Variants in WDR7 observed in about 807,000 individuals in gnomAD.
WDR7 encodes WD repeat-containing protein 7.
A neutral mutation model predicts 169.4 loss-of-function variants in WDR7; 46 were observed. That is an observed-to-expected ratio of 0.27 (90% confidence interval 0.21 to 0.35). WDR7 has a LOEUF of 0.35. Ranked by LOEUF, WDR7 falls within the 10% of genes least tolerant of loss-of-function variation. The pLI is 1.00. For missense variants in WDR7, 1,534 were observed against 1,859.3 expected, an observed-to-expected ratio of 0.83 and a Z score of 3.22; for synonymous variants, 612 against 666.8, an observed-to-expected ratio of 0.92 and a Z score of 1.27.
intron 25 of WDR7, among the ~76,000 whole-genome samples, chr18:56,949,128 GTCTCTCTCTC>G (rs10537966): frequency 2.1e-5 from 3 of 143,530 alleles, no homozygotes; most frequent in Non-Finnish European, 3.0e-5. Context: ...GTTTTCTAAA[GTCTCTCTCTC>G]TCTCTCTCTC....
At chr18:56,919,224 T>A (rs574941082) in intron 21 of WDR7, among the ~76,000 whole-genome samples, 4 of 152,284 alleles carry the variant, frequency 2.6e-5, no homozygotes, top group Middle Eastern at 6.8e-3. Flanking sequence ...AAATAGGGAA[T>A]TATTATATGG....
intron 1 of WDR7, among the ~76,000 whole-genome samples, chr18:56,662,246 C>T (rs1391896808): frequency 2.0e-5 from 3 of 152,184 alleles, no homozygotes; most frequent in African/African-American, 7.2e-5. Flanking sequence ...CCTGTGAAAA[C>T]ACCCTGTTGC....
At chr18:57,019,879 T>C (rs983428022) in intron 26 of WDR7, among the ~76,000 whole-genome samples, 1 of 152,194 alleles carries the variant, frequency 6.6e-6, no homozygotes, top group Non-Finnish European at 1.5e-5. Flanking sequence ...ACCTACAGCT[T>C]GTAAGCCAGA....
At chr18:57,018,498 A>C (rs2048239661) in intron 26 of WDR7, among the ~76,000 whole-genome samples, 1 of 152,226 alleles carries the variant, frequency 6.6e-6, no homozygotes, top group Admixed American at 6.5e-5. Flanking sequence ...GCTCAGGCTG[A>C]AGTGCTCACC....
chr18:57,024,693 A>G lies in WDR7; in HGVS notation c.4270-2311A>G, dbSNP rs58831269. 4.0e-3 allele frequency among the ~76,000 whole-genome samples: 256 copies of G among 63,602 alleles called. 10 individuals are homozygous for G. The highest frequency in any genetic ancestry group is 0.018 in the Middle Eastern group (2 of 112). 41.7% of individuals were successfully genotyped at this position (63,602 alleles called of 152,430 possible). On this transcript the variant is annotated intron_variant, in intron 27 of 27. Transcript: ENST00000254442. Reference sequence around the variant, plus strand: ...CTCAGACAGGAATAGGGATATGTGAACTATGATAGTTATGTCCCTTACAGG... The same window carrying G: ...CTCAGACAGGAATAGGGATATGTGAGCTATGATAGTTATGTCCCTTACAGG...
intron 26 of WDR7, among the ~76,000 whole-genome samples, chr18:57,015,235 A>C (rs570021558): frequency 6.6e-6 from 1 of 152,242 alleles, no homozygotes; most frequent in Non-Finnish European, 1.5e-5. Flanking sequence ...GAGCCTATGC[A>C]CAAAGAGACT....
At chr18:56,902,811 A>G (rs2046420691) in intron 21 of WDR7, among the ~76,000 whole-genome samples, 1 of 152,320 alleles carries the variant, frequency 6.6e-6, no homozygotes, top group South Asian at 2.1e-4. Context: ...TGAGTGACTT[A>G]TGACTCAGTC....
chr18:57,010,250 T>G, intron 26 of WDR7: 1 of 985,468 alleles, frequency 1.0e-6, no homozygotes. Context: ...GAAAACATTT[T>G]GTGTGACTTT....
intron 1 of WDR7, among the ~76,000 whole-genome samples, chr18:56,654,118 A>T (rs1163909680): frequency 6.6e-6 from 1 of 152,138 alleles, no homozygotes. Flanking sequence ...AGATTCATTC[A>T]CTACTAATGA....
Position 57,027,434 on chromosome 18 carries a change from C to T in WDR7, c.*227C>T. Reference sequence around the variant, plus strand: ...ACATGCTCTGCAGGATGTGGCCATCCTGTCACCAGGTAGTTTTTCCCTGCC... The same window carrying T: ...ACATGCTCTGCAGGATGTGGCCATCTTGTCACCAGGTAGTTTTTCCCTGCC... On this transcript the variant is annotated 3_prime_UTR_variant, in exon 28 of 28. Transcript: ENST00000254442. 2 of 554,640 alleles carry T rather than the reference C, an allele frequency of 3.6e-6. No individual in the cohort carries two copies. The highest frequency in any genetic ancestry group is 3.6e-5 in the Admixed American group (1 of 27,610). 34.4% of individuals were successfully genotyped at this position (554,640 alleles called of 1,614,324 possible).
chr18:56,888,170 G>A (rs1542005), intron 21 of WDR7, among the ~76,000 whole-genome samples: 126,541 of 152,196 alleles, frequency 0.83, 52,796 homozygotes, highest in East Asian at 0.95. Flanking sequence ...ATGGGAGGAA[G>A]GAATGACACT....
chr18:56,907,997 C>T (rs1222702524), intron 21 of WDR7, among the ~76,000 whole-genome samples: 1 of 152,100 alleles, frequency 6.6e-6, no homozygotes, highest in East Asian at 1.9e-4. Flanking sequence ...ATCTGTTTGT[C>T]ATTGAGGGTG....
chr18:56,915,879 G>A (rs570986814), intron 21 of WDR7, among the ~76,000 whole-genome samples: 1 of 152,286 alleles, frequency 6.6e-6, no homozygotes, highest in South Asian at 2.1e-4. Context: ...AAGTTCCCTT[G>A]CCTCTAGCGA....
intron 20 of WDR7, among the ~76,000 whole-genome samples, chr18:56,856,092 G>T (rs1315535755): frequency 6.6e-6 from 1 of 152,178 alleles, no homozygotes; most frequent in Non-Finnish European, 1.5e-5. Context: ...GGAAACTAGA[G>T]GAGAGGTGAA....
intron 1 of WDR7, among the ~76,000 whole-genome samples, chr18:56,670,189 TTTGA>T (rs1295208141): frequency 6.6e-6 from 1 of 152,222 alleles, no homozygotes; most frequent in Admixed American, 6.5e-5. Context: ...TCTAGAAGTA[TTTGA>T]TTGTCATATA....
In WDR7 at chr18:56,887,756, A is replaced by T. The variant is rs183007985; in HGVS notation, c.3526+7591A>T. On this transcript the variant is annotated intron_variant, in intron 21 of 27. Transcript: ENST00000254442. ...CAAGACCTTTCTTATTTGAATTGGG[A>T]TGTCTTAATTAAATTTAAATTTATC... 2.5e-3 allele frequency among the ~76,000 whole-genome samples: 372 copies of T among 151,606 alleles called. 3 individuals are homozygous for T. Among genetic ancestry groups the T allele is most frequent in the African/African-American group, 8.4e-3 (349 of 41,328 alleles).
intron 26 of WDR7, among the ~76,000 whole-genome samples, chr18:57,007,641 A>G (rs762369938): frequency 8.5e-5 from 13 of 152,182 alleles, no homozygotes; most frequent in Non-Finnish European, 1.8e-4. Context: ...TTAATTTATC[A>G]CAAAATCCTC....
At chr18:56,928,567 A>T (rs2046837871) in intron 22 of WDR7, among the ~76,000 whole-genome samples, 1 of 152,160 alleles carries the variant, frequency 6.6e-6, no homozygotes, top group African/African-American at 2.4e-5. Context: ...TTATGAAAAG[A>T]TTGTTGCAGT....
At chr18:56,653,705 C>T (rs947615431) in intron 1 of WDR7, among the ~76,000 whole-genome samples, 2 of 152,166 alleles carry the variant, frequency 1.3e-5, no homozygotes, top group Non-Finnish European at 2.9e-5. Context: ...AGATCTATTG[C>T]ATTGCTGTTC....
Sources: allele counts gnomAD v4.1 joint callset (sites outside exome capture counted in the v4.1 genomes callset), GRCh38; gene constraint gnomAD v4.1.1; transcripts MANE v1.5; gene names NCBI Gene and HGNC (gene_info 2026-07-23, HGNC 2026-07-21).